The following OR10A6 variants were observed in gnomAD, a reference collection of about 807,000 sequenced individuals.
OR10A6 encodes the protein olfactory receptor 10A6.
A neutral mutation model predicts 1.5 loss-of-function variants in OR10A6; 2 were observed. The ratio of observed to expected loss-of-function variants is 1.31; its 90% confidence interval spans 0.54 to 4.13. The LOEUF (loss-of-function observed/expected upper bound fraction) is 4.13, where lower values mean the gene tolerates loss of function less well. Ranked by LOEUF, OR10A6 falls within the 30% of genes most tolerant of loss-of-function variation. OR10A6 has a pLI of 0.07. For missense variants in OR10A6, 492 were observed against 368.6 expected (o/e 1.33, Z -2.74); for synonymous variants, 169 against 137.3 (o/e 1.23, Z -1.61).
rs1289108102 is a variant in OR10A6, at chr11:7,929,966, G to GTGTATATATATATATATA, written c.-1305_-1304insTATATATATATATATACA. On this transcript the variant is annotated 5_prime_UTR_variant, in exon 4 of 4. Transcript: ENST00000641238. ...TCTAGTAAGGTATGTGTATGTGTAT[G>GTGTATATATATATATATA]TATATATATATATATATATATATAT... 283 of 57,150 alleles carry GTGTATATATATATATATA rather than the reference G, an allele frequency of 5.0e-3. 13 individuals are homozygous for GTGTATATATATATATATA. The highest frequency in any genetic ancestry group is 0.018 in the African/African-American group (254 of 14,170). The allele number at this position is 57,150 out of a possible 1,614,324, so 3.5% of individuals were successfully genotyped here. A position where few individuals can be genotyped will look rare whatever the true frequency, so the allele number is the denominator to read the frequency against.
Position 7,928,621 on chromosome 11 carries a change from G to A in OR10A6, c.42C>T (p.Leu14=). 2 of 1,606,842 alleles carry A rather than the reference G, an allele frequency of 1.2e-6. No homozygotes were observed. Among genetic ancestry groups the A allele is most frequent in the Non-Finnish European group, 8.5e-7 (1 of 1,178,074 alleles). The change falls in exon 4 of 4, where the codon CTC becomes CTT. Residue 14 remains leucine (L), a synonymous_variant. Coordinates refer to ENST00000641238, the MANE Select transcript of OR10A6 (RefSeq NM_001004461.2). ...GCTCAGGATAGTTAGAAAAGCCCAA[G>A]AGGATGAATTCAACCACACAGCTTT... ...QNQSCVVEFI[L]LGFSNYPELQ...
In OR10A6 at chr11:7,928,313, GC is replaced by G; in HGVS notation, c.349del (p.Ala117GlnfsTer18). ...FGGAECFLLG[A>X]MAYDRFAAIC... ...TGCAGCAAATCGGTCATAAGCCATT[GC>G]TCCCAGAAGAAAACATTCAGCCCCA... is the stretch of plus-strand genomic sequence containing the variant. On this transcript the variant is annotated frameshift_variant, in exon 4 of 4. Transcript: ENST00000641238. LOFTEE classifies it low-confidence loss of function (END_TRUNC). 1 of 1,613,574 alleles carries G rather than the reference GC, an allele frequency of 6.2e-7. No homozygotes were observed. Among genetic ancestry groups the G allele is most frequent in the Non-Finnish European group, 8.5e-7 (1 of 1,179,788 alleles).
Position 7,926,437 on chromosome 11 carries a change from C to T in OR10A6, c.*1281G>A, listed in dbSNP as rs1859401830. Reference sequence around the variant, plus strand: ...TTCCAAAGTGACTGAGAAGAAAAGTCCTGCATCATTACCCACAAGGTTCCA... The same window carrying T: ...TTCCAAAGTGACTGAGAAGAAAAGTTCTGCATCATTACCCACAAGGTTCCA... On this transcript the variant is annotated 3_prime_UTR_variant, in exon 4 of 4. Transcript: ENST00000641238. 6.6e-6 allele frequency: 1 copy of T among 152,190 alleles called. No homozygotes were observed. Among genetic ancestry groups the T allele is most frequent in the Admixed American group, 6.5e-5 (1 of 15,278 alleles). 9.4% of individuals were successfully genotyped at this position (152,190 alleles called of 1,614,324 possible).
chr11:7,926,972 C>CA lies in OR10A6; in HGVS notation c.*745dup, dbSNP rs756863295. On this transcript the variant is annotated 3_prime_UTR_variant, in exon 4 of 4. Transcript: ENST00000641238. The stretch of plus-strand genomic sequence containing the variant: ...TTATGAAAGAAATTTGACCAAGTTT[C>CA]AAAAAATATAGTTTATAAGTGGAAA... 2.0e-5 allele frequency: 3 copies of CA among 152,040 alleles called. No homozygotes were observed. Among genetic ancestry groups the CA allele is most frequent in the Admixed American group, 6.6e-5 (1 of 15,242 alleles). 9.4% of individuals were successfully genotyped at this position (152,040 alleles called of 1,614,324 possible).
chr11:7,929,185 T>C lies in OR10A6; in HGVS notation c.-523A>G, dbSNP rs192032096. 6.6e-6 allele frequency: 1 copy of C among 152,446 alleles called. No homozygotes were observed. Among genetic ancestry groups the C allele is most frequent in the African/African-American group, 2.4e-5 (1 of 41,566 alleles). 9.4% of individuals were successfully genotyped at this position (152,446 alleles called of 1,614,324 possible). A position where few individuals can be genotyped will look rare whatever the true frequency, so the allele number is the denominator to read the frequency against. On this transcript the variant is annotated 5_prime_UTR_variant, in exon 4 of 4. Transcript: ENST00000641238. ...TAATTAGATTCAAAGTACCTATATA[T>C]GACTTGGAGAAAGAAAACAACATTC... is the stretch of plus-strand genomic sequence containing the variant.
At position 7,924,751 on chromosome 11, in the gene OR10A6, T is replaced by A. The variant is rs1859363215; in HGVS notation, c.*2967A>T. On this transcript the variant is annotated 3_prime_UTR_variant, in exon 4 of 4. Coordinates refer to ENST00000641238, the MANE Select transcript of OR10A6 (RefSeq NM_001004461.2). Reference sequence around the variant, plus strand: ...CACAGACCCAGGGGCCCTCTAGCTTTCCACTTGGCCTCTGTAGGGCCTGGC... The same window carrying A: ...CACAGACCCAGGGGCCCTCTAGCTTACCACTTGGCCTCTGTAGGGCCTGGC... 6.6e-6 allele frequency: 1 copy of A among 152,166 alleles called. No individual in the cohort carries two copies. Among genetic ancestry groups the A allele is most frequent in the African/African-American group, 2.4e-5 (1 of 41,430 alleles). 9.4% of individuals were successfully genotyped at this position (152,166 alleles called of 1,614,324 possible). A position where few individuals can be genotyped will look rare whatever the true frequency, so the allele number is the denominator to read the frequency against.
rs757094877 is a variant in OR10A6, at chr11:7,928,134, T to C, written c.529A>G (p.Ile177Val). The C allele has an allele frequency of 1.2e-5, 20 of 1,613,864 alleles. No individual in the cohort carries two copies. In the Middle Eastern group the frequency reaches 4.9e-4, roughly 40 times the overall value. ...PFCGLNEINHISCETPAVLEL... is the reference protein window; with the variant it reads ...PFCGLNEINHVSCETPAVLEL... ...AACACTGCTGGGGTTTCACAAGATA[T>C]ATGGTTAATTTCATTAAGGCCACAA... Residue 177 changes from isoleucine to valine, a missense_variant, in exon 4 of 4, where the codon ATA becomes GTA. Transcript: ENST00000641238.
chr11:7,930,294 T>A lies in OR10A6; in HGVS notation c.-1632A>T, dbSNP rs1306867379. On this transcript the variant is annotated 5_prime_UTR_variant, in exon 4 of 4. An upstream start codon of the reference 5' UTR is lost. Transcript: ENST00000641238. ...GAACAAACACAATCACAGGATGTCA[T>A]GAATGGAAGGCCATTAGGTCGGAGG... The A allele has an allele frequency of 6.6e-6, 1 of 151,872 alleles. No individual in the cohort carries two copies. The highest frequency in any genetic ancestry group is 1.5e-5 in the Non-Finnish European group (1 of 67,996). 9.4% of individuals were successfully genotyped at this position (151,872 alleles called of 1,614,324 possible). A position where few individuals can be genotyped will look rare whatever the true frequency, so the allele number is the denominator to read the frequency against.
In OR10A6 at chr11:7,928,542, C is replaced by A; in HGVS notation, c.121G>T (p.Gly41Ter). Residue 41 changes from glycine (G) to a stop codon, truncating the protein, a stop_gained, in exon 4 of 4, where the codon GGA becomes TGA. Coordinates refer to ENST00000641238, the MANE Select transcript of OR10A6 (RefSeq NM_001004461.2). LOFTEE classifies it low-confidence loss of function (END_TRUNC). ...ACGATGACTATAATAATGGCATTTC[C>A]TATCAGGGTCACCAGATAAATAACC... The part of the protein sequence containing the change: ...FLVIYLVTLI[G>*]NAIIIVIVSL... The A allele has an allele frequency of 6.2e-7, 1 of 1,613,396 alleles. No homozygotes were observed. The highest frequency in any genetic ancestry group is 8.5e-7 in the Non-Finnish European group (1 of 1,179,444).
In OR10A6 at chr11:7,925,997, C is replaced by CTGAT. The variant is rs751325170; in HGVS notation, c.*1717_*1720dup. 1 of 152,234 alleles carries CTGAT rather than the reference C, an allele frequency of 6.6e-6. No homozygotes were observed. Among genetic ancestry groups the CTGAT allele is most frequent in the South Asian group, 2.1e-4 (1 of 4,834 alleles). 9.4% of individuals were successfully genotyped at this position (152,234 alleles called of 1,614,324 possible). ...ATCTTCCCATTTCACATACTTTCCT[C>CTGAT]TGATTGTTCCCCGCTCTTCACCTAT... On this transcript the variant is annotated 3_prime_UTR_variant, in exon 4 of 4. Coordinates refer to ENST00000641238, the MANE Select transcript of OR10A6 (RefSeq NM_001004461.2).
In OR10A6 at chr11:7,928,322, A is replaced by G; in HGVS notation, c.341T>C (p.Leu114Pro). The G allele has an allele frequency of 1.2e-6, 2 of 1,614,068 alleles. No individual in the cohort carries two copies. The highest frequency in any genetic ancestry group is 8.5e-7 in the Non-Finnish European group (1 of 1,179,950). The change falls in exon 4 of 4, where the codon CTT (leucine) becomes CCT (proline). Residue 114 changes from leucine (L) to proline (P), a missense_variant. Coordinates refer to ENST00000641238, the MANE Select transcript of OR10A6 (RefSeq NM_001004461.2). ...TCGGTCATAAGCCATTGCTCCCAGA[A>G]GAAAACATTCAGCCCCACCAAAAAG... ...ILLFGGAECFLLGAMAYDRFA... is the reference protein window; with the variant it reads ...ILLFGGAECFPLGAMAYDRFA...
In OR10A6 at chr11:7,928,678, C is replaced by CT; in HGVS notation, c.-17_-16insA. The CT allele has an allele frequency of 6.4e-7, 1 of 1,560,280 alleles. No homozygotes were observed. The highest frequency in any genetic ancestry group is 8.7e-7 in the Non-Finnish European group (1 of 1,147,646). On this transcript the variant is annotated 5_prime_UTR_variant, in exon 4 of 4. An upstream open reading frame in the 5' UTR gains an earlier in-frame stop. Coordinates refer to ENST00000641238, the MANE Select transcript of OR10A6 (RefSeq NM_001004461.2). ...GTCTTTCCATTTTCAGTAATGAAGT[C>CT]GTGCATTGATTTTATGGACATAGTA...
rs1311525852 is a variant in OR10A6 at position 7,925,382 on chromosome 11, A to G, written c.*2336T>C. The G allele has an allele frequency of 1.3e-5, 2 of 152,184 alleles. No homozygotes were observed. The highest frequency in any genetic ancestry group is 2.9e-5 in the Non-Finnish European group (2 of 68,034). The allele number at this position is 152,184 out of a possible 1,614,324, so 9.4% of individuals were successfully genotyped here. On this transcript the variant is annotated 3_prime_UTR_variant, in exon 4 of 4. Coordinates refer to ENST00000641238, the MANE Select transcript of OR10A6 (RefSeq NM_001004461.2). The stretch of plus-strand genomic sequence containing the variant: ...CACACACATACAAATTTAGAATTAG[A>G]GTGACCTAATTTCTTATTGTAATTT...
rs1486445468 is a variant in OR10A6 at position 7,927,394 on chromosome 11, A to G, written c.*324T>C. On this transcript the variant is annotated 3_prime_UTR_variant, in exon 4 of 4. Coordinates refer to ENST00000641238, the MANE Select transcript of OR10A6 (RefSeq NM_001004461.2). ...ACTTTGTGAAAGCTATTCTGTAAAA[A>G]TTAAAGCACCAGAATTTATGAATAT... The G allele has an allele frequency of 4.3e-6, 1 of 230,522 alleles. No homozygotes were observed. Among genetic ancestry groups the G allele is most frequent in the Non-Finnish European group, 8.3e-6 (1 of 120,140 alleles). The allele number at this position is 230,522 out of a possible 1,614,324, so 14.3% of individuals were successfully genotyped here.
In OR10A6 at chr11:7,926,442, A is replaced by G. The variant is rs1859401950; in HGVS notation, c.*1276T>C. ...AAGTGACTGAGAAGAAAAGTCCTGC[A>G]TCATTACCCACAAGGTTCCAGCCTT... is the stretch of plus-strand genomic sequence containing the variant. On this transcript the variant is annotated 3_prime_UTR_variant, in exon 4 of 4. Transcript: ENST00000641238. 6.6e-6 allele frequency: 1 copy of G among 152,230 alleles called. No homozygotes were observed. The highest frequency in any genetic ancestry group is 1.5e-5 in the Non-Finnish European group (1 of 68,036). 9.4% of individuals were successfully genotyped at this position (152,230 alleles called of 1,614,324 possible).
At position 7,929,966 on chromosome 11, in the gene OR10A6, G is replaced by GTGTATATATATATA. The variant is rs1289108102; in HGVS notation, c.-1305_-1304insTATATATATATACA. The GTGTATATATATATA allele has an allele frequency of 3.6e-3, 207 of 57,194 alleles. 7 individuals are homozygous for GTGTATATATATATA. The highest frequency in any genetic ancestry group is 0.014 in the African/African-American group (199 of 14,212). The allele number at this position is 57,194 out of a possible 1,614,324, so 3.5% of individuals were successfully genotyped here. On this transcript the variant is annotated 5_prime_UTR_variant, in exon 4 of 4. Coordinates refer to ENST00000641238, the MANE Select transcript of OR10A6 (RefSeq NM_001004461.2). ...TCTAGTAAGGTATGTGTATGTGTAT[G>GTGTATATATATATA]TATATATATATATATATATATATAT...
In OR10A6 at chr11:7,927,812, A is replaced by T. The variant is rs1482023557; in HGVS notation, c.851T>A (p.Leu284Gln). ...MSLSYSLLTP[L>Q]LNLLIYSLRN... ...CAAACTGTAGATAAGCAGATTCAGC[A>T]GTGGTGTCAGAAGTGAGTAAGACAA... The change falls in exon 4 of 4, where the codon CTG becomes CAG. Residue 284 changes from leucine (L) to glutamine (Q), a missense_variant. Transcript: ENST00000641238. 4 of 1,613,930 alleles carry T rather than the reference A, an allele frequency of 2.5e-6. No homozygotes were observed. Among genetic ancestry groups the T allele is most frequent in the Non-Finnish European group, 2.5e-6 (3 of 1,179,888 alleles).
chr11:7,924,932 GGATGTCCACCTA>G lies in OR10A6; in HGVS notation c.*2774_*2785del, dbSNP rs1859366741. On this transcript the variant is annotated 3_prime_UTR_variant, in exon 4 of 4. Transcript: ENST00000641238. ...GAGTTTTCATAGACACCCTACTCAAGGATGTCCACCTATATATCACTAGTCAGAACTGTGTCA... is the reference window on the plus strand; with the variant it reads ...GAGTTTTCATAGACACCCTACTCAAGTATATCACTAGTCAGAACTGTGTCA... 6.6e-6 allele frequency: 1 copy of G among 152,068 alleles called. No homozygotes were observed. The highest frequency in any genetic ancestry group is 6.6e-5 in the Admixed American group (1 of 15,256). The allele number at this position is 152,068 out of a possible 1,614,324, so 9.4% of individuals were successfully genotyped here. A position where few individuals can be genotyped will look rare whatever the true frequency, so the allele number is the denominator to read the frequency against.
rs1859398504 is a variant in OR10A6 at position 7,926,318 on chromosome 11, C to G, written c.*1400G>C. 1 of 152,216 alleles carries G rather than the reference C, an allele frequency of 6.6e-6. No homozygotes were observed. Among genetic ancestry groups the G allele is most frequent in the Non-Finnish European group, 1.5e-5 (1 of 68,086 alleles). 9.4% of individuals were successfully genotyped at this position (152,216 alleles called of 1,614,324 possible). A position where few individuals can be genotyped will look rare whatever the true frequency, so the allele number is the denominator to read the frequency against. On this transcript the variant is annotated 3_prime_UTR_variant, in exon 4 of 4. Coordinates refer to ENST00000641238, the MANE Select transcript of OR10A6 (RefSeq NM_001004461.2). ...ATCCTCATTCTTCTTGGGTGTGGTA[C>G]AAAAGCTTGGGAACTGCTGAATGCA...
Sources: allele counts gnomAD v4.1 joint callset, GRCh38; gene constraint gnomAD v4.1.1; transcripts MANE v1.5; gene names NCBI Gene and HGNC (gene_info 2026-07-23, HGNC 2026-07-21).